The following MTUS1 variants were observed in gnomAD, a reference collection of about 807,000 sequenced individuals.
MTUS1 encodes the protein microtubule associated scaffold protein 1.
Under a neutral mutation model 120.8 loss-of-function variants are expected in MTUS1, and 109 were observed. The observed-to-expected ratio is 0.90, with a 90% CI of 0.77 to 1.06. MTUS1 has a LOEUF of 1.06. MTUS1 is among the 50% of genes least tolerant of loss of function. MTUS1 has a pLI of 0.00. For missense variants in MTUS1, 2,210 were observed against 1,486.3 expected (o/e 1.49, Z -8.01); for synonymous variants, 737 against 550.5 (o/e 1.34, Z -4.74).
At chr8:17,746,575 C>T (rs1354660466) in intron 2 of MTUS1, among the ~76,000 whole-genome samples, 3 of 152,074 alleles carry the variant, frequency 2.0e-5, no homozygotes, top group Non-Finnish European at 4.4e-5. Context: ...ATGAGACTTA[C>T]TCACTACCAC....
At chr8:17,684,260 T>G (rs1815254116) in intron 7 of MTUS1, 68 bp downstream of exon 7, 1 of 1,130,572 alleles carries the variant, frequency 8.8e-7, no homozygotes, top group Admixed American at 1.7e-5. Flanking sequence ...GGCCAGCGTG[T>G]GAGCAAGTCC....
At position 17,674,978 on chromosome 8, in the gene MTUS1, C is replaced by G. The variant is rs17125079; in HGVS notation, c.2905+208G>C. Reference sequence around the variant, plus strand: ...CATCAGAAGTTCTGCTAGGCTTAGTCAGATCAGTGCCAGGAATTCTGTGAA... The same window carrying G: ...CATCAGAAGTTCTGCTAGGCTTAGTGAGATCAGTGCCAGGAATTCTGTGAA... On this transcript the variant is annotated intron_variant, in intron 8 of 14. Transcript: ENST00000693296. 4.4e-3 allele frequency: 5,975 copies of G among 1,368,886 alleles called. 174 individuals are homozygous for G. The African/African-American group carries it at 0.071, about 16-fold the overall frequency. The allele number at this position is 1,368,886 out of a possible 1,614,324, so 84.8% of individuals were successfully genotyped here.
At chr8:17,679,338 T>C (rs1359328837) in intron 7 of MTUS1, among the ~76,000 whole-genome samples, 3 of 129,552 alleles carry the variant, frequency 2.3e-5, no homozygotes, top group Admixed American at 1.6e-4. Flanking sequence ...TTTATATACA[T>C]ATGCATGTGT....
chr8:17,767,235 A>T lies in MTUS1; in HGVS notation c.-154-11274T>A, dbSNP rs796081159. Among the ~76,000 whole-genome samples the T allele has an allele frequency of 2.8e-4, 42 of 151,282 alleles. 1 individual carries two copies. The highest frequency in any genetic ancestry group is 9.5e-4 in the African/African-American group (39 of 41,232). On this transcript the variant is annotated intron_variant, in intron 1 of 14. Coordinates refer to ENST00000693296, the MANE Select transcript of MTUS1 (RefSeq NM_001363059.2). ...AAAGGCATTTATAAAAAACAGTTTCATAAATCTTTTAGTTATAAACAGGAA... is the reference window on the plus strand; with the variant it reads ...AAAGGCATTTATAAAAAACAGTTTCTTAAATCTTTTAGTTATAAACAGGAA...
intron 12 of MTUS1, among the ~76,000 whole-genome samples, chr8:17,652,279 T>C (rs1807171896): frequency 6.6e-6 from 1 of 152,226 alleles, no homozygotes; most frequent in South Asian, 2.1e-4. Context: ...AATTGACATT[T>C]ATCCATACGG....
Position 17,754,755 on chromosome 8 carries a change from AG to A in MTUS1, c.1052del (p.Pro351LeufsTer2), listed in dbSNP as rs1563329922. 6 of 1,614,256 alleles carry A rather than the reference AG, an allele frequency of 3.7e-6. No individual in the cohort carries two copies. Among genetic ancestry groups the A allele is most frequent in the Middle Eastern group, 1.6e-4 (1 of 6,062 alleles). ...VSYCLIDDEC[P>X]LMVPAFDKSE... ...TCTTATCAAAAGCTGGCACCATTAAAGGGCATTCATCATCAATAAGACAATA... is the reference window on the plus strand; with the variant it reads ...TCTTATCAAAAGCTGGCACCATTAAAGGCATTCATCATCAATAAGACAATA... On this transcript the variant is annotated frameshift_variant, in exon 2 of 15. Transcript: ENST00000693296. LOFTEE classifies it high-confidence loss of function.
chr8:17,744,695 T>TC (rs2047606968), intron 2 of MTUS1, among the ~76,000 whole-genome samples: 1 of 149,032 alleles, frequency 6.7e-6, no homozygotes, highest in Non-Finnish European at 1.5e-5. Context: ...TTTTCTTTTT[T>TC]TTTTTTTTTT....
chr8:17,786,992 T>C (rs1414408571), intron 1 of MTUS1, among the ~76,000 whole-genome samples: 3 of 152,234 alleles, frequency 2.0e-5, no homozygotes, highest in Non-Finnish European at 4.4e-5. Context: ...TCTTTCCTAG[T>C]ACACTTGACA....
At chr8:17,724,375 G>C (rs901844454) in intron 3 of MTUS1, among the ~76,000 whole-genome samples, 1 of 152,106 alleles carries the variant, frequency 6.6e-6, no homozygotes, top group Non-Finnish European at 1.5e-5. Context: ...AAATTCTCCT[G>C]AGTGGAAAAT....
chr8:17,726,325 C>A (rs1396229765), intron 3 of MTUS1, among the ~76,000 whole-genome samples: 2 of 152,122 alleles, frequency 1.3e-5, no homozygotes, highest in Non-Finnish European at 2.9e-5. Context: ...CTCTGAATGC[C>A]GTGGACTAAG....
Position 17,653,457 on chromosome 8 carries a change from C to A in MTUS1, c.3256G>T (p.Asp1086Tyr), listed in dbSNP as rs779209192. 6.2e-7 allele frequency: 1 copy of A among 1,612,454 alleles called. No individual in the cohort carries two copies. The highest frequency in any genetic ancestry group is 1.7e-5 in the Admixed American group (1 of 59,752). ...GATTCCTGCTTCTCAGAAAGTAAAT[C>A]TTCAAGCGATTTCTTTTCTATTTCA... Reference protein sequence around the residue: ...GHEIEKKSLEDLLSEKQESLE... With the variant: ...GHEIEKKSLEYLLSEKQESLE... The change falls in exon 11 of 15, where the codon GAT becomes TAT. Residue 1086 changes from aspartate (D) to tyrosine (Y), a missense_variant. By Grantham distance (160) the Asp-to-Tyr change is radical. Transcript: ENST00000693296.
chr8:17,770,628 C>G lies in MTUS1; in HGVS notation c.-154-14667G>C, dbSNP rs1586304524. On this transcript the variant is annotated intron_variant, in intron 1 of 14. Transcript: ENST00000693296. ...CCGTACAATGAAGCCTCTCTGGGGA[C>G]TATGATTATTCAAAGACAGTTCAGC... The G allele has an allele frequency of 2.0e-5, 3 of 152,276 alleles. No homozygotes were observed. In the South Asian group the frequency reaches 6.2e-4, roughly 32 times the overall value. 9.4% of individuals were successfully genotyped at this position (152,276 alleles called of 1,614,324 possible).
chr8:17,776,374 A>G (rs1309545188), intron 1 of MTUS1, among the ~76,000 whole-genome samples: 1 of 152,080 alleles, frequency 6.6e-6, no homozygotes, highest in Non-Finnish European at 1.5e-5. Context: ...GCAGAGACCT[A>G]CAGACAATAC....
chr8:17,779,484 G>C (rs1162143888), intron 1 of MTUS1, among the ~76,000 whole-genome samples: 2 of 152,168 alleles, frequency 1.3e-5, no homozygotes, highest in South Asian at 2.1e-4. Flanking sequence ...AAGATTTGTT[G>C]TATTTGTTCT....
intron 8 of MTUS1, among the ~76,000 whole-genome samples, chr8:17,672,501 C>CT (rs1812233614): frequency 6.6e-6 from 1 of 152,158 alleles, no homozygotes; most frequent in Non-Finnish European, 1.5e-5. Context: ...GGGTTCCCAA[C>CT]TTTGCTATGT....
chr8:17,785,199 A>G (rs933604902), intron 1 of MTUS1, among the ~76,000 whole-genome samples: 4 of 19,674 alleles, frequency 2.0e-4, no homozygotes, highest in African/African-American at 3.1e-4. Context: ...GCCTTCAAAG[A>G]GCCTCCAAAG....
chr8:17,755,275 A>T lies in MTUS1; in HGVS notation c.533T>A (p.Ile178Asn), dbSNP rs1214694460. Residue 178 changes from isoleucine to asparagine, a missense_variant, in exon 2 of 15, where the codon ATC (isoleucine) becomes AAC (asparagine). Coordinates refer to ENST00000693296, the MANE Select transcript of MTUS1 (RefSeq NM_001363059.2). ...VNCTFISHHA[I>N]GKSQSFHTAG... ...AGTATGGAAGGACTGACTCTTTCCG[A>T]TGGCATGATGTGATATAAAGGTGCA... is the stretch of plus-strand genomic sequence containing the variant. 3 of 1,614,200 alleles carry T rather than the reference A, an allele frequency of 1.9e-6. No homozygotes were observed. Among genetic ancestry groups the T allele is most frequent in the Non-Finnish European group, 2.5e-6 (3 of 1,180,012 alleles).
At chr8:17,719,461 T>C (rs1348757207) in intron 4 of MTUS1, among the ~76,000 whole-genome samples, 1 of 152,206 alleles carries the variant, frequency 6.6e-6, no homozygotes, top group Non-Finnish European at 1.5e-5. Context: ...ACATATACCC[T>C]AGAAAAACGT....
chr8:17,780,591 C>G (rs1186492128), intron 1 of MTUS1, among the ~76,000 whole-genome samples: 5 of 152,186 alleles, frequency 3.3e-5, no homozygotes, highest in African/African-American at 1.2e-4. Flanking sequence ...CCAGTAGCAA[C>G]TCCGACAGGC....
Sources: allele counts gnomAD v4.1 joint callset (sites outside exome capture counted in the v4.1 genomes callset), GRCh38; gene constraint gnomAD v4.1.1; transcripts MANE v1.5; gene names NCBI Gene and HGNC (gene_info 2026-07-23, HGNC 2026-07-21).